The following PIGN variants were observed in gnomAD, a reference collection of about 807,000 sequenced individuals.
The protein encoded by PIGN is phosphatidylinositol glycan anchor biosynthesis class N, also known as GPI ethanolamine phosphate transferase 1.
A neutral mutation model predicts 125.4 loss-of-function variants in PIGN; 117 were observed. The ratio of observed to expected loss-of-function variants is 0.93; its 90% CI spans 0.80 to 1.09. The LOEUF (loss-of-function observed/expected upper bound fraction) is 1.09. Ranked by LOEUF, PIGN falls within the 50% of genes least tolerant of loss-of-function variation. The probability of loss-of-function intolerance (pLI) is 0.00; values close to 1 mark genes in which losing one functional copy is unlikely to be tolerated. For missense variants in PIGN, 1,075 were observed against 1,094.9 expected, an observed-to-expected ratio of 0.98 and a Z score of 0.26; for synonymous variants, 392 against 377.8, an observed-to-expected ratio of 1.04 and a Z score of -0.44.
chr18:62,097,884 A>T (rs1599512417), intron 22 of PIGN, among the ~76,000 whole-genome samples: 1 of 152,210 alleles, frequency 6.6e-6, no homozygotes, highest in East Asian at 1.9e-4. Flanking sequence ...TGGGGTGGCA[A>T]AACATAAACT....
At position 62,161,369 on chromosome 18, in the gene PIGN, T is replaced by C. The variant is rs778715861; in HGVS notation, c.-16A>G. ...ACAGCAGCATATCCAGTGTAACTAA[T>C]TAGTCTTCAAGAACAGCTGAAAGAG... On this transcript the variant is annotated 5_prime_UTR_variant, in exon 4 of 31. Transcript: ENST00000640252. 2 of 1,570,606 alleles carry C rather than the reference T, an allele frequency of 1.3e-6. No homozygotes were observed. Among genetic ancestry groups the C allele is most frequent in the Non-Finnish European group, 1.7e-6 (2 of 1,144,046 alleles).
intron 30 of PIGN, among the ~76,000 whole-genome samples, chr18:62,057,179 G>A (rs965415322): frequency 3.3e-5 from 5 of 151,928 alleles, no homozygotes; most frequent in Admixed American, 6.6e-5. Flanking sequence ...CCACACAAAT[G>A]TGTAATTTGT....
chr18:62,125,462 T>C (rs1450334683), intron 14 of PIGN, among the ~76,000 whole-genome samples: 1 of 152,088 alleles, frequency 6.6e-6, no homozygotes, highest in African/African-American at 2.4e-5. Context: ...GCTTTCCATT[T>C]TTTTGATTAT....
chr18:62,140,593 C>A, intron 11 of PIGN, 114 bp from the exon 12 acceptor site: 2 of 534,686 alleles, frequency 3.7e-6, no homozygotes, highest in South Asian at 2.7e-5. Context: ...TAATCAGTTA[C>A]CTTCAAACAT....
intron 1 of PIGN, chr18:62,186,395 T>C (rs1209459778): frequency 1.3e-5 from 2 of 152,256 alleles, no homozygotes; most frequent in African/African-American, 4.8e-5. Flanking sequence ...TTTACTTATC[T>C]GTCTACTGGT....
At chr18:62,127,625 A>C (rs1403029000) in intron 14 of PIGN, among the ~76,000 whole-genome samples, 2 of 152,200 alleles carry the variant, frequency 1.3e-5, no homozygotes, top group African/African-American at 4.8e-5. Flanking sequence ...TCATGAGGAA[A>C]GCAATGGTGC....
intron 30 of PIGN, among the ~76,000 whole-genome samples, chr18:62,061,393 T>G (rs1864688): frequency 0.17 from 25,173 of 150,590 alleles, 2,861 homozygotes; most frequent in Middle Eastern, 0.27. Flanking sequence ...CTGGGACAGA[T>G]TCCCGCCATT....
At chr18:62,127,546 C>T (rs1413695008) in intron 14 of PIGN, among the ~76,000 whole-genome samples, 4 of 152,084 alleles carry the variant, frequency 2.6e-5, no homozygotes, top group East Asian at 3.9e-4. Context: ...ATTAAATGAG[C>T]GAACACTGAT....
At chr18:62,131,912 C>G (rs918101033) in intron 14 of PIGN, among the ~76,000 whole-genome samples, 3 of 152,014 alleles carry the variant, frequency 2.0e-5, no homozygotes, top group African/African-American at 4.8e-5. Context: ...TTAATCATGT[C>G]ACGAAAATTT....
chr18:62,145,924 C>A lies in PIGN; in HGVS notation c.907G>T (p.Asp303Tyr). Residue 303 changes from aspartate to tyrosine, a missense_variant, in exon 10 of 31, where the codon GAT (aspartate) becomes TAT (tyrosine). By Grantham distance (160) the Asp-to-Tyr change is radical. Transcript: ENST00000640252. ...PQRVSAQQFDDAFLKEWRLEN... is the reference protein window; with the variant it reads ...PQRVSAQQFDYAFLKEWRLEN... ...ATGCTTGTACCTTTCAAAAATGCATCATCAAATTGCTGAGCTGATACTCTT... is the reference window on the plus strand; with the variant it reads ...ATGCTTGTACCTTTCAAAAATGCATAATCAAATTGCTGAGCTGATACTCTT... The A allele has an allele frequency of 1.3e-6, 2 of 1,566,268 alleles. No individual in the cohort carries two copies. Among genetic ancestry groups the A allele is most frequent in the Non-Finnish European group, 1.8e-6 (2 of 1,137,262 alleles).
chr18:62,136,162 T>C (rs529042975), intron 14 of PIGN: 1 of 152,200 alleles, frequency 6.6e-6, no homozygotes, highest in South Asian at 2.1e-4. Context: ...TAAAAGAAAA[T>C]TAGAATTAGC....
intron 1 of PIGN, among the ~76,000 whole-genome samples, chr18:62,163,945 T>C (rs2037043322): frequency 6.6e-6 from 1 of 152,250 alleles, no homozygotes; most frequent in Non-Finnish European, 1.5e-5. Context: ...TATTCTTTTT[T>C]GATTAGCTTA....
intron 30 of PIGN, among the ~76,000 whole-genome samples, chr18:62,046,830 G>C (rs896795929): frequency 6.6e-6 from 1 of 152,142 alleles, no homozygotes; most frequent in Non-Finnish European, 1.5e-5. Context: ...GGAACCCAAG[G>C]ATACAGAGGG....
chr18:62,052,981 G>T, intron 30 of PIGN: 1 of 381,558 alleles, frequency 2.6e-6, no homozygotes, highest in South Asian at 1.4e-4. Context: ...AAACAATAAA[G>T]AAAGAATCTG....
At chr18:62,152,043 T>C (rs2036555708) in intron 7 of PIGN, among the ~76,000 whole-genome samples, 1 of 152,130 alleles carries the variant, frequency 6.6e-6, no homozygotes, top group Non-Finnish European at 1.5e-5. Context: ...TGGGGAGACA[T>C]GAGACTTCAA....
chr18:62,041,640 G>GGTGTGTTTGTGT lies in PIGN; in HGVS notation c.*4215_*4216insACACAAACACAC, dbSNP rs1555669074. On this transcript the variant is annotated 3_prime_UTR_variant, in exon 31 of 31. Coordinates refer to ENST00000640252, the MANE Select transcript of PIGN (RefSeq NM_176787.5). ...ATTACAGGAGCCTACCACCCCGCCG[G>GGTGTGTTTGTGT]GTGTGTGTGTGTGTGTGTGTGTGTG... 6.5e-5 allele frequency: 5 copies of GGTGTGTTTGTGT among 77,472 alleles called. No homozygotes were observed. The highest frequency in any genetic ancestry group is 2.7e-4 in the African/African-American group (5 of 18,432). The allele number at this position is 77,472 out of a possible 1,614,324, so 4.8% of individuals were successfully genotyped here. A position where few individuals can be genotyped will look rare whatever the true frequency, so the allele number is the denominator to read the frequency against.
At chr18:62,097,815 A>G (rs2034272949) in intron 22 of PIGN, among the ~76,000 whole-genome samples, 1 of 151,408 alleles carries the variant, frequency 6.6e-6, no homozygotes, top group Non-Finnish European at 1.5e-5. Flanking sequence ...AGATGTATCG[A>G]CTCTCCCCCG....
chr18:62,108,368 G>T (rs1210776130), intron 17 of PIGN, among the ~76,000 whole-genome samples: 3 of 151,928 alleles, frequency 2.0e-5, no homozygotes, highest in South Asian at 4.2e-4. Flanking sequence ...TTCAGGAGGG[G>T]TTCTGTACTA....
At chr18:62,034,767 GC>G (rs1382441980) in intron 23 of PIGN, among the ~76,000 whole-genome samples, 1 of 152,116 alleles carries the variant, frequency 6.6e-6, no homozygotes, top group Non-Finnish European at 1.5e-5. Flanking sequence ...GATTTTACAG[GC>G]TCATGTAAAG....
Sources: gnomAD v4.1 joint callset for allele counts (sites outside exome capture counted in the v4.1 genomes callset) on GRCh38, gnomAD v4.1.1 for gene constraint, MANE v1.5 for transcripts, NCBI Gene and HGNC (gene_info 2026-07-23, HGNC 2026-07-21) for gene names.